ZNF717: variants seen among roughly 807,000 people sequenced by gnomAD.
The protein encoded by ZNF717 is zinc finger protein 717.
In ZNF717, 9 loss-of-function variants were observed where a neutral mutation model predicts 13.8. The observed-to-expected ratio is 0.65, with a 90% CI of 0.39 to 1.14. The LOEUF (loss-of-function observed/expected upper bound fraction) is 1.14. Ranked by LOEUF, ZNF717 falls within the 50% of genes most tolerant of loss-of-function variation. The pLI is 0.01. For synonymous variants in ZNF717, 327 were observed against 364.1 expected, an observed-to-expected ratio of 0.90 and a Z score of 1.16; for missense variants, 1,040 against 1,080.7, an observed-to-expected ratio of 0.96 and a Z score of 0.53.
chr3:75,724,225 C>G (rs1938229810), intron 4 of ZNF717, among the ~76,000 whole-genome samples: 1 of 151,956 alleles, frequency 6.6e-6, no homozygotes, highest in South Asian at 2.1e-4. Context: ...GCCAGGCATT[C>G]TGGGCCACTA....
downstream of ZNF717, among the ~76,000 whole-genome samples, chr3:75,729,010 T>G (rs6549775): frequency 0.47 from 7,254 of 15,492 alleles, 1,905 homozygotes; most frequent in Middle Eastern, 0.59. Flanking sequence ...ACAGGGAGGG[T>G]GAACAATCAG....
chr3:75,699,614 A>G, intron 6 of ZNF717, among the ~76,000 whole-genome samples: 1 of 152,308 alleles, frequency 6.6e-6, no homozygotes, highest in Non-Finnish European at 1.5e-5. Context: ...TCACCTTGTC[A>G]GTTGTCAGAG....
At chr3:75,727,791 G>A (rs77221255), downstream of ZNF717, among the ~76,000 whole-genome samples, 2 of 138,648 alleles carry the variant, frequency 1.4e-5, 1 homozygote, top group Non-Finnish European at 3.2e-5. Flanking sequence ...AGCATGTGAT[G>A]CTTGTGACCT....
chr3:75,773,463 C>G (rs547331161), intron 2 of ZNF717, among the ~76,000 whole-genome samples: 1 of 152,276 alleles, frequency 6.6e-6, no homozygotes, highest in Admixed American at 6.5e-5. Context: ...TATTAATATG[C>G]AGAAGCTTCT....
chr3:75,717,343 C>CT (rs113151665), intron 4 of ZNF717, among the ~76,000 whole-genome samples: 1 of 138,362 alleles, frequency 7.2e-6, no homozygotes, highest in African/African-American at 2.6e-5. Flanking sequence ...CAAGAAATCT[C>CT]TGTGAGCTGC....
rs537041036 is a variant in ZNF717 at position 75,764,554 on chromosome 3, C to G, written c.57+18752G>C. Among the ~76,000 whole-genome samples, 6 of 152,146 alleles carry G rather than the reference C, an allele frequency of 3.9e-5. No individual in the cohort carries two copies. The East Asian group carries it at 1.2e-3, about 29-fold the overall frequency. ...GAACTGTGAGATAAATGATCATGAC[C>G]AAAAAACCCCGCTACAACCCAACAA... is the stretch of plus-strand genomic sequence containing the variant. On this transcript the variant is annotated intron_variant, in intron 2 of 4. Coordinates refer to ENST00000652011, the MANE Select transcript of ZNF717 (RefSeq NM_001290208.3).
intron 6 of ZNF717, among the ~76,000 whole-genome samples, chr3:75,700,205 A>G (rs1435281147): frequency 6.6e-6 from 1 of 152,312 alleles, no homozygotes; most frequent in South Asian, 2.1e-4. Context: ...CAGCCTGGCC[A>G]ACTTGGTGAA....
intron 2 of ZNF717, among the ~76,000 whole-genome samples, chr3:75,761,601 C>A (rs569184693): frequency 6.6e-6 from 1 of 152,332 alleles, no homozygotes; most frequent in African/African-American, 2.4e-5. Flanking sequence ...TGTTCACAGA[C>A]AACAGGATGT....
downstream of ZNF717, chr3:75,732,144 C>A (rs1381758895): frequency 1.4e-6 from 1 of 702,854 alleles, no homozygotes; most frequent in East Asian, 2.7e-5. Context: ...AAAAGGAAAA[C>A]CATCTTAAAA....
downstream of ZNF717, among the ~76,000 whole-genome samples, chr3:75,709,425 C>T (rs1254014511): frequency 2.0e-5 from 3 of 152,188 alleles, no homozygotes; most frequent in Non-Finnish European, 2.9e-5. Context: ...CAGGCCCCAC[C>T]TCCAACACTG....
rs1199593612 is a variant in ZNF717 at position 75,738,309 on chromosome 3, A to G, written c.1314T>C (p.Leu438=). ...CEEAFSHKSR[L]TVHQRTHTGE... ...CTGTGTGTGTTCTCTGATGGACAGT[A>G]AGCCTTGACTTATGGCTAAATGCTT... Residue 438 remains leucine (L), a synonymous_variant, in exon 5 of 5, where the codon CTT becomes CTC. Transcript: ENST00000652011. 10 of 1,545,246 alleles carry G rather than the reference A, an allele frequency of 6.5e-6. No individual in the cohort carries two copies. The African/African-American group carries it at 1.4e-4, about 21-fold the overall frequency.
chr3:75,774,127 A>G (rs1944113993), intron 2 of ZNF717, among the ~76,000 whole-genome samples: 1 of 152,170 alleles, frequency 6.6e-6, no homozygotes, highest in South Asian at 2.1e-4. Flanking sequence ...CTCTCTTTAA[A>G]GAAGATTTTC....
chr3:75,766,649 T>A (rs945883565), intron 2 of ZNF717, among the ~76,000 whole-genome samples: 8 of 152,174 alleles, frequency 5.3e-5, no homozygotes. Context: ...AATAAAAAAA[T>A]AGGGAAAATA....
At chr3:75,768,984 T>C (rs1943705686) in intron 2 of ZNF717, among the ~76,000 whole-genome samples, 2 of 152,218 alleles carry the variant, frequency 1.3e-5, no homozygotes, top group Admixed American at 6.5e-5. Flanking sequence ...TCTGGGGCTC[T>C]TGAGAGGGGC....
intron 6 of ZNF717, among the ~76,000 whole-genome samples, chr3:75,697,208 G>T (rs79640976): frequency 4.6e-5 from 7 of 152,270 alleles, no homozygotes; most frequent in African/African-American, 1.4e-4. Flanking sequence ...AGCAATAAAA[G>T]GCATCCCAAT....
chr3:75,695,524 A>G (rs1483794347), intron 6 of ZNF717, among the ~76,000 whole-genome samples: 2 of 152,420 alleles, frequency 1.3e-5, no homozygotes, highest in African/African-American at 4.8e-5. Context: ...GCTGCAGAAT[A>G]TACATTTTTC....
chr3:75,730,354 A>G, exon 6 of ZNF717: 1 of 56,330 alleles, frequency 1.8e-5, no homozygotes. Flanking sequence ...AGCAATAGTT[A>G]AAAAAAAAAA....
intron 2 of ZNF717, among the ~76,000 whole-genome samples, chr3:75,743,192 C>T (rs1575792927): frequency 6.6e-6 from 1 of 152,200 alleles, no homozygotes; most frequent in Non-Finnish European, 1.5e-5. Context: ...GTAAGCCATG[C>T]ATGACTGAAC....
At chr3:75,755,762 T>C (rs1180689873) in intron 2 of ZNF717, among the ~76,000 whole-genome samples, 5 of 152,232 alleles carry the variant, frequency 3.3e-5, no homozygotes, top group Admixed American at 1.3e-4. Flanking sequence ...AGGGAAAATG[T>C]AGTCATCTAA....
Sources: allele counts gnomAD v4.1 joint callset (sites outside exome capture counted in the v4.1 genomes callset), GRCh38; gene constraint gnomAD v4.1.1; transcripts MANE v1.5; gene names NCBI Gene and HGNC (gene_info 2026-07-23, HGNC 2026-07-21).